The following KIAA1217 variants were observed in gnomAD, a reference collection of about 807,000 sequenced individuals.
KIAA1217 encodes the protein KIAA1217.
A neutral mutation model predicts 163.9 loss-of-function variants in KIAA1217; 88 were observed. The observed-to-expected ratio is 0.54, with a 90% CI of 0.45 to 0.64. KIAA1217 has a LOEUF of 0.64. KIAA1217 is among the 30% of genes least tolerant of loss of function. The probability of loss-of-function intolerance (pLI) is 0.00; values close to 1 mark genes in which losing one functional copy is unlikely to be tolerated. For synonymous variants in KIAA1217, 903 were observed against 923.1 expected, an observed-to-expected ratio of 0.98 and a Z score of 0.39; for missense variants, 2,372 against 2,475.0, an observed-to-expected ratio of 0.96 and a Z score of 0.88.
At chr10:24,160,840 G>A (rs2065086843) in intron 2 of KIAA1217, among the ~76,000 whole-genome samples, 1 of 152,172 alleles carries the variant, frequency 6.6e-6, no homozygotes, top group South Asian at 2.1e-4. Context: ...CTTGCCCTGA[G>A]AACTTCAACT....
chr10:24,482,862 A>C (rs899112851), intron 6 of KIAA1217: 3 of 152,098 alleles, frequency 2.0e-5, no homozygotes, highest in African/African-American at 7.2e-5. Context: ...TCTACAAAAG[A>C]CTTTTTGAAA....
At chr10:24,245,479 T>G (rs989868496) in intron 2 of KIAA1217, among the ~76,000 whole-genome samples, 1 of 152,172 alleles carries the variant, frequency 6.6e-6, no homozygotes, top group Non-Finnish European at 1.5e-5. Context: ...CAGAAGCAAA[T>G]GGGCTGCAGC....
At chr10:24,129,224 T>C (rs1218741115) in intron 2 of KIAA1217, among the ~76,000 whole-genome samples, 2 of 152,148 alleles carry the variant, frequency 1.3e-5, no homozygotes, top group Non-Finnish European at 2.9e-5. Flanking sequence ...TACTGCAGTG[T>C]AATAGAGTCA....
intron 1 of KIAA1217, among the ~76,000 whole-genome samples, chr10:24,003,858 A>G (rs1344371684): frequency 6.6e-6 from 1 of 152,248 alleles, no homozygotes; most frequent in Admixed American, 6.5e-5. Context: ...TAATTTTTAA[A>G]TAATTTGGAG....
chr10:24,428,301 G>T (rs910064633), intron 3 of KIAA1217, among the ~76,000 whole-genome samples: 1 of 152,184 alleles, frequency 6.6e-6, no homozygotes, highest in Non-Finnish European at 1.5e-5. Context: ...CCCACGTGGG[G>T]CCAAGACATT....
At chr10:23,971,462 TG>T (rs1845314764) in intron 1 of KIAA1217, among the ~76,000 whole-genome samples, 1 of 152,082 alleles carries the variant, frequency 6.6e-6, no homozygotes, top group African/African-American at 2.4e-5. Flanking sequence ...CCTGATTGGT[TG>T]GGGGGGAACC....
intron 2 of KIAA1217, among the ~76,000 whole-genome samples, chr10:24,353,250 C>G (rs2048680169): frequency 6.6e-6 from 1 of 152,126 alleles, no homozygotes; most frequent in African/African-American, 2.4e-5. Context: ...ATTTGGACCT[C>G]ATTTATGGGA....
intron 2 of KIAA1217, among the ~76,000 whole-genome samples, chr10:24,035,820 T>C (rs1290261245): frequency 6.6e-6 from 1 of 152,204 alleles, no homozygotes; most frequent in Non-Finnish European, 1.5e-5. Context: ...CGAAGTTGGC[T>C]ATGCCTTTGG....
Position 24,089,295 on chromosome 10 carries a change from T to C in KIAA1217, c.-171+81921T>C, listed in dbSNP as rs1469946237. On this transcript the variant is annotated intron_variant, in intron 2 of 18. Transcript: ENST00000376462. Reference sequence around the variant, plus strand: ...CTTTTGCTGTGCAGAAGCTCTTTAGTTTAATTAGATCCCATTTGTCAATTT... The same window carrying C: ...CTTTTGCTGTGCAGAAGCTCTTTAGCTTAATTAGATCCCATTTGTCAATTT... Among the ~76,000 whole-genome samples the C allele has an allele frequency of 1.6e-5, 2 of 125,430 alleles. 1 individual carries two copies. Among genetic ancestry groups the C allele is most frequent in the Non-Finnish European group, 3.9e-5 (2 of 50,760 alleles). The allele number at this position is 125,430 out of a possible 152,430, so 82.3% of individuals were successfully genotyped here.
intron 2 of KIAA1217, among the ~76,000 whole-genome samples, chr10:24,327,155 T>C (rs773953784): frequency 6.6e-6 from 1 of 152,210 alleles, no homozygotes; most frequent in Non-Finnish European, 1.5e-5. Context: ...GTATTGCTTA[T>C]CCTTTGTTGA....
At chr10:24,142,555 G>A (rs992598120) in intron 2 of KIAA1217, among the ~76,000 whole-genome samples, 5 of 151,958 alleles carry the variant, frequency 3.3e-5, no homozygotes, top group Admixed American at 2.0e-4. Flanking sequence ...TCACCACTAC[G>A]CAATACATCC....
rs77609706 is a variant in KIAA1217 at position 24,263,182 on chromosome 10, G to A, written c.354+43273G>A. Among the ~76,000 whole-genome samples, 422 of 152,258 alleles carry A rather than the reference G, an allele frequency of 2.8e-3. 3 individuals are homozygous for A. Among genetic ancestry groups the A allele is most frequent in the African/African-American group, 9.5e-3 (395 of 41,538 alleles). On this transcript the variant is annotated intron_variant, in intron 2 of 20. Transcript: ENST00000376454. ...TGCAGGGCTTCATGCGCATTTCTCT[G>A]TGTATTTAAATACTCACGGAAGATT...
At chr10:23,842,658 T>C (rs1838841411) in intron 1 of KIAA1217, among the ~76,000 whole-genome samples, 1 of 152,100 alleles carries the variant, frequency 6.6e-6, no homozygotes, top group Non-Finnish European at 1.5e-5. Flanking sequence ...TTTAATTACA[T>C]GGTGGTGAAT....
intron 2 of KIAA1217, among the ~76,000 whole-genome samples, chr10:24,147,832 CAAAAAAAAA>C (rs1176106711): frequency 0.017 from 356 of 20,764 alleles, 4 homozygotes; most frequent in African/African-American, 0.055. Context: ...TACTCTGTCT[CAAAAAAAAA>C]AAAAAAAAAA....
intron 10 of KIAA1217, among the ~76,000 whole-genome samples, chr10:24,516,679 CTGAT>C (rs1280091046): frequency 1.3e-5 from 2 of 152,128 alleles, no homozygotes; most frequent in East Asian, 3.9e-4. Context: ...ATGTGCCGGA[CTGAT>C]TAAGAGGAAA....
chr10:24,024,445 G>A (rs1476098784), intron 2 of KIAA1217, among the ~76,000 whole-genome samples: 4 of 151,542 alleles, frequency 2.6e-5, no homozygotes, highest in African/African-American at 9.7e-5. Context: ...AGTATTATAT[G>A]GGCATTATTT....
chr10:24,299,715 A>T lies in KIAA1217; in HGVS notation c.354+79806A>T, dbSNP rs141523767. 2.2e-4 allele frequency among the ~76,000 whole-genome samples: 33 copies of T among 152,170 alleles called. No homozygotes were observed. The East Asian group carries it at 4.4e-3, about 20-fold the overall frequency. On this transcript the variant is annotated intron_variant, in intron 2 of 20. Coordinates refer to ENST00000376454, the MANE Select transcript of KIAA1217 (RefSeq NM_019590.5). ...GACTCAATCTAGTTTTTTCCTTTTC[A>T]GTAGTCACTTTTACGCTTATGAGTA...
rs182325701 is a variant in KIAA1217 at position 24,296,168 on chromosome 10, A to G, written c.354+76259A>G. On this transcript the variant is annotated intron_variant, in intron 2 of 20. Coordinates refer to ENST00000376454, the MANE Select transcript of KIAA1217 (RefSeq NM_019590.5). ...GCCCAGGCTGGAGTGCAGTGGCACA[A>G]TCATTGCTCACTGCAGCCTTGACCT... Among the ~76,000 whole-genome samples the G allele has an allele frequency of 1.4e-3, 220 of 152,226 alleles. 4 individuals are homozygous for G. Among genetic ancestry groups the G allele is most frequent in the African/African-American group, 5.0e-3 (206 of 41,552 alleles).
intron 5 of KIAA1217, among the ~76,000 whole-genome samples, chr10:24,446,333 G>A (rs911798487): frequency 2.0e-5 from 3 of 151,650 alleles, no homozygotes; most frequent in South Asian, 2.1e-4. Flanking sequence ...CTCTTTCATG[G>A]TATCTTTTTA....
Sources: gnomAD v4.1 joint callset for allele counts (sites outside exome capture counted in the v4.1 genomes callset) on GRCh38, gnomAD v4.1.1 for gene constraint, MANE v1.5 for transcripts, NCBI Gene and HGNC (gene_info 2026-07-23, HGNC 2026-07-21) for gene names.